Variants in ARHGEF10 observed in about 807,000 individuals in gnomAD.
ARHGEF10 encodes the protein Rho guanine nucleotide exchange factor 10.
A neutral mutation model predicts 147.4 loss-of-function variants in ARHGEF10; 140 were observed. The ratio of observed to expected loss-of-function variants is 0.95; its 90% confidence interval spans 0.83 to 1.09. The LOEUF (loss-of-function observed/expected upper bound fraction) is 1.09, where lower values mean the gene tolerates loss of function less well. ARHGEF10 is among the 50% of genes least tolerant of loss of function. ARHGEF10 has a pLI of 0.00. For missense variants in ARHGEF10, 2,222 were observed against 1,752.7 expected (o/e 1.27, Z -4.78); for synonymous variants, 902 against 695.8 (o/e 1.30, Z -4.67).
chr8:1,905,332 T>G (rs1810795081), intron 16 of ARHGEF10, among the ~76,000 whole-genome samples: 1 of 152,178 alleles, frequency 6.6e-6, no homozygotes, highest in Non-Finnish European at 1.5e-5. Flanking sequence ...AAACAATTCC[T>G]TGCATTCCTC....
In ARHGEF10 at chr8:1,925,480, C is replaced by T. The variant is rs1176453604; in HGVS notation, c.2610+76C>T. ...TGAATGGGCCACTTGGGAGATGATT[C>T]TTAAGGGGCGTGGTCAGAACATGGT... On this transcript the variant is annotated intron_variant, in intron 22 of 28. Transcript: ENST00000349830. The T allele has an allele frequency of 2.5e-6, 4 of 1,590,926 alleles. No homozygotes were observed. The Admixed American group carries it at 5.1e-5, about 20-fold the overall frequency.
At chr8:1,842,010 G>GCGACCGGAACTGGGT in intron 1 of ARHGEF10, among the ~76,000 whole-genome samples, 1 of 59,730 alleles carries the variant, frequency 1.7e-5, no homozygotes, top group African/African-American at 7.5e-5. Context: ...GGGAACTGGG[G>GCGACCGGAACTGGGT]CCGCGGCGGG....
chr8:1,860,136 G>C lies in ARHGEF10; in HGVS notation c.433G>C (p.Ala145Pro). The C allele has an allele frequency of 6.2e-7, 1 of 1,613,792 alleles. No individual in the cohort carries two copies. The highest frequency in any genetic ancestry group is 8.5e-7 in the Non-Finnish European group (1 of 1,179,956). ...CTCCAACCTGCCCCTCCTGCTGCCC[G>C]CCTACTCCAGCCCGGTCATCATCTG... ...VPSNLPLLLP[A>P]YSSPVIICAT... The change falls in exon 4 of 29, where the codon GCC becomes CCC. Residue 145 changes from alanine (A) to proline (P), a missense_variant. Transcript: ENST00000349830.
Position 1,903,396 on chromosome 8 carries a change from A to G in ARHGEF10, c.1766A>G (p.Gln589Arg), listed in dbSNP as rs1368145696. ...AATGAAAGAAAGAGAGATGCTGATC[A>G]ACGCTGTGAAGTGAAGCAAATAGCC... The part of the protein sequence containing the change: ...KLNERKRDAD[Q>R]RCEVKQIAKA... The change falls in exon 16 of 29, where the codon CAA becomes CGA. Residue 589 changes from glutamine (Q) to arginine (R), a missense_variant. Physicochemically the swap from Gln to Arg is conservative, Grantham distance 43 (BLOSUM62 1). Coordinates refer to ENST00000349830, the MANE Select transcript of ARHGEF10 (RefSeq NM_014629.4). 2 of 1,614,114 alleles carry G rather than the reference A, an allele frequency of 1.2e-6. No homozygotes were observed. The highest frequency in any genetic ancestry group is 3.3e-5 in the Admixed American group (2 of 60,012).
intron 1 of ARHGEF10, among the ~76,000 whole-genome samples, chr8:1,837,912 G>A (rs1177308867): frequency 6.6e-6 from 1 of 152,172 alleles, no homozygotes; most frequent in East Asian, 1.9e-4. Context: ...GGGTCGTGGG[G>A]ACACTGCTCC....
chr8:1,956,734 T>C lies in ARHGEF10; in HGVS notation c.3521-15T>C. The C allele has an allele frequency of 6.2e-7, 1 of 1,613,718 alleles. No homozygotes were observed. The highest frequency in any genetic ancestry group is 8.5e-7 in the Non-Finnish European group (1 of 1,179,948). Reference sequence around the variant, plus strand: ...CTATTTTAAAAGACAGCTGTTGAACTGTTTCCCTTTTCAGGAAGAGGCATG... The same window carrying C: ...CTATTTTAAAAGACAGCTGTTGAACCGTTTCCCTTTTCAGGAAGAGGCATG... On this transcript the variant is annotated splice_polypyrimidine_tract_variant and intron_variant, in intron 28 of 28. Coordinates refer to ENST00000349830, the MANE Select transcript of ARHGEF10 (RefSeq NM_014629.4).
intron 28 of ARHGEF10, among the ~76,000 whole-genome samples, chr8:1,953,874 C>G (rs913971506): frequency 2.6e-5 from 4 of 152,154 alleles, no homozygotes; most frequent in South Asian, 4.1e-4. Context: ...TTGCAGGAAG[C>G]TTGTAGAGCA....
intron 1 of ARHGEF10, among the ~76,000 whole-genome samples, chr8:1,832,461 C>T (rs1202532913): frequency 7.5e-6 from 1 of 133,478 alleles, no homozygotes; most frequent in African/African-American, 2.9e-5. Context: ...GAGACAGAGG[C>T]AGAGACAGAG....
intron 1 of ARHGEF10, among the ~76,000 whole-genome samples, chr8:1,829,476 A>C (rs1264321044): frequency 2.6e-5 from 4 of 152,182 alleles, no homozygotes; most frequent in Non-Finnish European, 5.9e-5. Flanking sequence ...GAGTGATAAG[A>C]AAGTCGACTC....
Position 1,948,363 on chromosome 8 carries a change from G to C in ARHGEF10, c.3397+2708G>C, listed in dbSNP as rs1359430560. Among the ~76,000 whole-genome samples the C allele has an allele frequency of 6.6e-6, 1 of 152,218 alleles. No homozygotes were observed. The highest frequency in any genetic ancestry group is 1.5e-5 in the Non-Finnish European group (1 of 68,034). On this transcript the variant is annotated intron_variant, in intron 27 of 28. Transcript: ENST00000349830. This position sits in a 1 kb window ranked among gnomAD's most constrained non-coding sequence, Gnocchi z 4.9. ...CGCATGAAAGCAAACACATGAGTCT[G>C]TCCAGATGGAGTGCCGTGCTTCTCG...
At chr8:1,951,525 T>G (rs17830107) in intron 27 of ARHGEF10, among the ~76,000 whole-genome samples, 1 of 152,070 alleles carries the variant, frequency 6.6e-6, no homozygotes, top group Admixed American at 6.5e-5. Context: ...TGGGGGAGGC[T>G]GTTTGACCTC....
rs572023294 is a variant in ARHGEF10, at chr8:1,922,887, C to A, written c.2144-77C>A. 4.1e-5 allele frequency: 42 copies of A among 1,027,128 alleles called. No homozygotes were observed. In the African/African-American group the frequency reaches 4.9e-4, roughly 12 times the overall value. 63.6% of individuals were successfully genotyped at this position (1,027,128 alleles called of 1,614,324 possible). A position where few individuals can be genotyped will look rare whatever the true frequency, so the allele number is the denominator to read the frequency against. On this transcript the variant is annotated intron_variant, in intron 18 of 28. Transcript: ENST00000349830. ...CTTAAAAATTATTTAGTATTTGAGT[C>A]TTTTCTTCCCTCAAGTATTGGAGTA...
intron 10 of ARHGEF10, among the ~76,000 whole-genome samples, chr8:1,882,954 C>A (rs897985361): frequency 6.6e-6 from 1 of 152,144 alleles, no homozygotes; most frequent in African/African-American, 2.4e-5. Context: ...ACCGAGGGCA[C>A]CCAGCAGCAG....
chr8:1,882,786 G>A, intron 10 of ARHGEF10, 37 bp downstream of exon 10: 2 of 1,374,210 alleles, frequency 1.5e-6, no homozygotes, highest in East Asian at 2.7e-5. Context: ...GGAGGACACG[G>A]GGTTGGGGGG....
chr8:1,866,426 C>G (rs1585318088), intron 5 of ARHGEF10, 100 bp from the exon 6 acceptor site: 1 of 157,640 alleles, frequency 6.3e-6, no homozygotes, highest in Non-Finnish European at 1.1e-5. Flanking sequence ...TATTCTGACA[C>G]ACACACACAC....
chr8:1,914,765 G>T (rs948297040), intron 18 of ARHGEF10, among the ~76,000 whole-genome samples: 2 of 152,160 alleles, frequency 1.3e-5, no homozygotes, highest in Non-Finnish European at 2.9e-5. Context: ...AGGACTCGGC[G>T]CTGGTTTTCC....
intron 19 of ARHGEF10, 166 bp from the exon 20 acceptor site, chr8:1,923,302 T>C: frequency 9.1e-7 from 1 of 1,097,540 alleles, no homozygotes; most frequent in Non-Finnish European, 1.3e-6. Flanking sequence ...CTTAGAAATG[T>C]CTCAGCCCCC....
intron 18 of ARHGEF10, among the ~76,000 whole-genome samples, chr8:1,911,830 A>G (rs1007293897): frequency 2.0e-5 from 3 of 152,206 alleles, no homozygotes; most frequent in African/African-American, 7.2e-5. Flanking sequence ...CATGAACCAC[A>G]TCTCCATGGG....
chr8:1,861,523 T>C, intron 4 of ARHGEF10, among the ~76,000 whole-genome samples: 1 of 152,210 alleles, frequency 6.6e-6, no homozygotes, highest in Non-Finnish European at 1.5e-5. Context: ...CCAGGGTTCA[T>C]GGGATGTTCC....
Sources: allele counts gnomAD v4.1 joint callset (sites outside exome capture counted in the v4.1 genomes callset), GRCh38; gene constraint gnomAD v4.1.1; non-coding constraint Gnocchi (gnomAD v3.1); transcripts MANE v1.5; gene names NCBI Gene and HGNC (gene_info 2026-07-23, HGNC 2026-07-21).